C12orf42: variants seen among roughly 807,000 people sequenced by gnomAD.
C12orf42 encodes the protein chromosome 12 open reading frame 42.
C12orf42 carries 25 observed loss-of-function variants against 21.6 expected under a neutral mutation model. The ratio of observed to expected loss-of-function variants is 1.16; its 90% CI spans 0.84 to 1.62. C12orf42 has a LOEUF of 1.62. Among genes scored for constraint, C12orf42 ranks in the 40% most tolerant of loss-of-function variants. The probability of loss-of-function intolerance (pLI) is 0.00; values close to 1 mark genes in which losing one functional copy is unlikely to be tolerated. For missense variants in C12orf42, 483 were observed against 459.3 expected (o/e 1.05, Z -0.47); for synonymous variants, 174 against 175.0 (o/e 0.99, Z 0.05).
the C12orf42 span, among the ~76,000 whole-genome samples, chr12:103,109,939 A>G: frequency 6.6e-6 from 1 of 152,216 alleles, no homozygotes; most frequent in Non-Finnish European, 1.5e-5. Flanking sequence ...AAAAACGTCA[A>G]TAGTAACCAG....
At chr12:103,233,261 C>G (rs754296326), downstream of C12orf42, among the ~76,000 whole-genome samples, 32 of 152,284 alleles carry the variant, frequency 2.1e-4, no homozygotes, top group East Asian at 5.6e-3. Flanking sequence ...TAGTGTCAGT[C>G]CTCCAACTTT....
intron 10 of C12orf42, among the ~76,000 whole-genome samples, chr12:103,263,082 C>T (rs968277140): frequency 6.6e-6 from 1 of 151,996 alleles, no homozygotes; most frequent in African/African-American, 2.4e-5. Flanking sequence ...TGTTCTCACT[C>T]ACAGGTGGGA....
At chr12:103,489,330 C>A (rs1391841870) in intron 1 of C12orf42, among the ~76,000 whole-genome samples, 1 of 152,126 alleles carries the variant, frequency 6.6e-6, no homozygotes, top group African/African-American at 2.4e-5. Flanking sequence ...AAGCTTTATC[C>A]CAGAGGGGCA....
chr12:103,417,339 ACCTG>A (rs1415950076), intron 2 of C12orf42, among the ~76,000 whole-genome samples: 2 of 152,134 alleles, frequency 1.3e-5, no homozygotes, highest in Non-Finnish European at 2.9e-5. Flanking sequence ...CCCTAAAATG[ACCTG>A]GATTGATCTT....
the C12orf42 span, among the ~76,000 whole-genome samples, chr12:103,154,388 C>T: frequency 6.6e-6 from 1 of 152,078 alleles, no homozygotes; most frequent in Non-Finnish European, 1.5e-5. Context: ...AACCCAACAC[C>T]TTGGAAGCAG....
chr12:103,382,972 T>A (rs2046310997), intron 3 of C12orf42, among the ~76,000 whole-genome samples: 2 of 152,300 alleles, frequency 1.3e-5, no homozygotes, highest in East Asian at 3.9e-4. Flanking sequence ...AAAGACACTT[T>A]GCTCTTCAAA....
the C12orf42 span, among the ~76,000 whole-genome samples, chr12:103,068,409 T>C: frequency 6.6e-6 from 1 of 152,272 alleles, no homozygotes; most frequent in African/African-American, 2.4e-5. Flanking sequence ...ATGACCTTAT[T>C]ATTGTCTTTA....
chr12:103,537,060 C>T, the C12orf42 span, among the ~76,000 whole-genome samples: 82 of 152,036 alleles, frequency 5.4e-4, no homozygotes, highest in African/African-American at 1.8e-3. Flanking sequence ...TAGTGCCTGG[C>T]CCATAGCTCA....
chr12:103,474,549 T>A (rs1410355979), intron 2 of C12orf42, among the ~76,000 whole-genome samples: 1 of 152,084 alleles, frequency 6.6e-6, no homozygotes, highest in East Asian at 1.9e-4. Context: ...TGGAGTCTTT[T>A]ATTAAAAGTA....
chr12:103,265,972 C>T (rs2035150218), downstream of C12orf42, among the ~76,000 whole-genome samples: 1 of 152,050 alleles, frequency 6.6e-6, no homozygotes, highest in Non-Finnish European at 1.5e-5. Flanking sequence ...AGTGGGAAGG[C>T]CTCTTTCACA....
chr12:103,341,909 C>T (rs1046979645), intron 4 of C12orf42, among the ~76,000 whole-genome samples: 3 of 152,148 alleles, frequency 2.0e-5, no homozygotes, highest in African/African-American at 7.2e-5. Flanking sequence ...ATAAGGAGGA[C>T]TTCTCAGCCT....
chr12:103,210,024 T>TTC, the C12orf42 span, among the ~76,000 whole-genome samples: 29 of 152,182 alleles, frequency 1.9e-4, no homozygotes, highest in African/African-American at 6.5e-4. Flanking sequence ...AGACAGCCCT[T>TTC]TCCTGGCATC....
chr12:103,164,724 A>C, the C12orf42 span: 1 of 455,626 alleles, frequency 2.2e-6, no homozygotes, highest in Non-Finnish European at 4.4e-6. Flanking sequence ...AACCATGATG[A>C]ATACTCCTTT....
At chr12:103,088,605 T>C in the C12orf42 span, among the ~76,000 whole-genome samples, 1 of 152,348 alleles carries the variant, frequency 6.6e-6, no homozygotes, top group Middle Eastern at 3.4e-3. Context: ...CTGGGATTCA[T>C]GTCCCTGCGG....
chr12:103,319,693 A>T (rs1170905984), intron 4 of C12orf42, among the ~76,000 whole-genome samples: 1 of 152,262 alleles, frequency 6.6e-6, no homozygotes, highest in African/African-American at 2.4e-5. Context: ...CCGTCTGGCC[A>T]ATACATCTTC....
intron 1 of C12orf42, among the ~76,000 whole-genome samples, chr12:103,486,705 A>G (rs1334762172): frequency 1.3e-5 from 2 of 152,186 alleles, no homozygotes; most frequent in Non-Finnish European, 2.9e-5. Flanking sequence ...GTATATGTCC[A>G]GGAATTTATC....
intron 4 of C12orf42, among the ~76,000 whole-genome samples, chr12:103,342,503 G>C (rs192024682): frequency 2.0e-5 from 3 of 152,070 alleles, no homozygotes; most frequent in African/African-American, 2.4e-5. Context: ...CCCAAATCTG[G>C]CCAAGTGTAG....
At chr12:103,541,863 G>T in the C12orf42 span, among the ~76,000 whole-genome samples, 1 of 152,096 alleles carries the variant, frequency 6.6e-6, no homozygotes, top group Non-Finnish European at 1.5e-5. Flanking sequence ...AAAATTAAAA[G>T]TGATGAAGAA....
chr12:103,532,160 A>C, the C12orf42 span, among the ~76,000 whole-genome samples: 10 of 152,318 alleles, frequency 6.6e-5, no homozygotes, highest in Middle Eastern at 3.4e-3. Context: ...CAAAGAACAA[A>C]AGTTTAAAGC....
Sources: gnomAD v4.1 joint callset for allele counts (sites outside exome capture counted in the v4.1 genomes callset) on GRCh38, gnomAD v4.1.1 for gene constraint, MANE v1.5 for transcripts, NCBI Gene and HGNC (gene_info 2026-07-23, HGNC 2026-07-21) for gene names.